DIAPH2: variants seen among roughly 807,000 people sequenced by gnomAD.
DIAPH2 encodes the protein protein diaphanous homolog 2.
In DIAPH2, 35 loss-of-function variants were observed where a neutral mutation model predicts 92.7. The observed-to-expected ratio is 0.38, with a 90% CI of 0.29 to 0.50. The LOEUF (loss-of-function observed/expected upper bound fraction) is 0.50. Ranked by LOEUF, DIAPH2 falls within the 20% of genes least tolerant of loss-of-function variation. The probability of loss-of-function intolerance (pLI) is 0.94; values close to 1 mark genes in which losing one functional copy is unlikely to be tolerated. For synonymous variants in DIAPH2, 301 were observed against 280.4 expected (o/e 1.07, Z -0.73); for missense variants, 701 against 819.5 (o/e 0.86, Z 1.77).
chrX:96,916,417 G>GTTTTTTTTTTTTTTTTTTTTATTTTT, intron 7 of DIAPH2, 21 bp from the exon 8 acceptor site: 1 of 886,930 alleles, frequency 1.1e-6, no homozygotes. Context: ...CTGAATGAAG[G>GTTTTTTTTTTTTTTTTTTTTATTTTT]TTTTTTTTTT....
chrX:97,445,497 A>G lies in DIAPH2; in HGVS notation c.3241+15752A>G, dbSNP rs778472118. ...CAGTGGTGCGATCTTGGCTCACTGCAACCTCTGTCCCCAGGATTCAAGAGA... is the reference window on the plus strand; with the variant it reads ...CAGTGGTGCGATCTTGGCTCACTGCGACCTCTGTCCCCAGGATTCAAGAGA... On this transcript the variant is annotated intron_variant, in intron 26 of 26. Transcript: ENST00000324765. Among the ~76,000 whole-genome samples the G allele has an allele frequency of 5.4e-5, 6 of 110,745 alleles. No individual in the cohort carries two copies. In the South Asian group the frequency reaches 2.3e-3, roughly 43 times the overall value.
At chrX:96,703,362 A>G (rs756535207) in intron 1 of DIAPH2, among the ~76,000 whole-genome samples, 1 of 111,996 alleles carries the variant, frequency 8.9e-6, no homozygotes, top group Non-Finnish European at 1.9e-5. Context: ...AAATATAAAG[A>G]TATTTATTAA....
Position 97,409,876 on chromosome X carries a change from G to A in DIAPH2, c.3146-19774G>A, listed in dbSNP as rs186621701. Among the ~76,000 whole-genome samples, 12 of 112,643 alleles carry A rather than the reference G, an allele frequency of 1.1e-4. No homozygotes were observed. In the East Asian group the frequency reaches 2.5e-3, roughly 24 times the overall value. ...ATAAACAAAGTGGCTGGGGAAGCTC[G>A]AACTGGGCGGAGCCCACCTCAGCTC... On this transcript the variant is annotated intron_variant, in intron 25 of 26. Coordinates refer to ENST00000324765, the MANE Select transcript of DIAPH2 (RefSeq NM_006729.5).
Position 97,604,840 on chromosome X carries a change from G to A in DIAPH2, c.*5523G>A, listed in dbSNP as rs2071611595. 1 of 111,897 alleles carries A rather than the reference G, an allele frequency of 8.9e-6. No homozygotes were observed. The highest frequency in any genetic ancestry group is 3.3e-5 in the African/African-American group (1 of 30,743). The allele number at this position is 111,897 out of a possible 1,213,427, so 9.2% of individuals were successfully genotyped here. A position where few individuals can be genotyped will look rare whatever the true frequency, so the allele number is the denominator to read the frequency against. ...TTGAGGGAGATTGTGTCCATACCAAGCCACCCTGAAGAAGTATTTCACTTG... is the reference window on the plus strand; with the variant it reads ...TTGAGGGAGATTGTGTCCATACCAAACCACCCTGAAGAAGTATTTCACTTG... On this transcript the variant is annotated 3_prime_UTR_variant, in exon 27 of 27. Coordinates refer to ENST00000324765, the MANE Select transcript of DIAPH2 (RefSeq NM_006729.5).
chrX:97,358,770 A>AG (rs1471770960), intron 24 of DIAPH2, among the ~76,000 whole-genome samples: 4 of 111,600 alleles, frequency 3.6e-5, no homozygotes, highest in Non-Finnish European at 5.6e-5. Flanking sequence ...AAGAAAAAAA[A>AG]CTGTCGACTG....
intron 19 of DIAPH2, among the ~76,000 whole-genome samples, chrX:97,099,297 C>G (rs1301016000): frequency 9.1e-6 from 1 of 109,601 alleles, no homozygotes; most frequent in African/African-American, 3.3e-5. Flanking sequence ...ACCTGGGAGG[C>G]GGAGCTTGCA....
intron 4 of DIAPH2, among the ~76,000 whole-genome samples, chrX:96,871,287 T>G (rs1391985576): frequency 9.2e-6 from 1 of 108,906 alleles, no homozygotes; most frequent in Non-Finnish European, 1.9e-5. Flanking sequence ...GCTAACACGG[T>G]GAAACCCCGT....
At chrX:97,348,470 A>G (rs145705317) in intron 24 of DIAPH2, among the ~76,000 whole-genome samples, 190 bp downstream of exon 24, 2,608 of 111,923 alleles carry the variant, frequency 0.023, 28 homozygotes, top group Middle Eastern at 0.037. Context: ...GGCTTAACAT[A>G]ATGTGGACCT....
At chrX:97,384,264 G>C (rs2069578574) in intron 25 of DIAPH2, among the ~76,000 whole-genome samples, 1 of 111,724 alleles carries the variant, frequency 9.0e-6, no homozygotes, top group Admixed American at 9.6e-5. Context: ...TGTTGAGATA[G>C]TGTTTTTCTC....
chrX:96,947,372 G>A (rs1320839522), intron 14 of DIAPH2, among the ~76,000 whole-genome samples: 1 of 111,131 alleles, frequency 9.0e-6, no homozygotes, highest in Non-Finnish European at 1.9e-5. Flanking sequence ...TCTTAACACG[G>A]ATAGTAGTAA....
At chrX:97,462,071 A>G (rs996000397) in intron 26 of DIAPH2, among the ~76,000 whole-genome samples, 2 of 111,520 alleles carry the variant, frequency 1.8e-5, no homozygotes, top group Non-Finnish European at 3.8e-5. Context: ...GGATGTTATG[A>G]ACCATGGTGC....
At chrX:96,822,775 A>T (rs772889058) in intron 4 of DIAPH2, among the ~76,000 whole-genome samples, 1 of 112,586 alleles carries the variant, frequency 8.9e-6, no homozygotes, top group Non-Finnish European at 1.9e-5. Context: ...AATCAAGAAC[A>T]TAGTATATAC....
chrX:97,085,462 T>C (rs1228417516), intron 19 of DIAPH2, among the ~76,000 whole-genome samples: 1 of 111,632 alleles, frequency 9.0e-6, no homozygotes, highest in Admixed American at 9.5e-5. Context: ...CCTCGTTTAG[T>C]TGCCCAGGCT....
At chrX:96,974,816 T>A (rs893576253) in intron 17 of DIAPH2, among the ~76,000 whole-genome samples, 1 of 111,340 alleles carries the variant, frequency 9.0e-6, no homozygotes, top group Non-Finnish European at 1.9e-5. Flanking sequence ...TTATATAAGA[T>A]TTAAAGTAAT....
At chrX:97,009,118 G>A (rs949905647) in intron 17 of DIAPH2, among the ~76,000 whole-genome samples, 3 of 110,139 alleles carry the variant, frequency 2.7e-5, no homozygotes, top group Non-Finnish European at 3.8e-5. Flanking sequence ...TCTGAGAGCC[G>A]AGCTGGGTCC....
intron 26 of DIAPH2, among the ~76,000 whole-genome samples, chrX:97,569,666 T>C (rs2071351137): frequency 9.0e-6 from 1 of 111,236 alleles, no homozygotes; most frequent in Admixed American, 9.6e-5. Flanking sequence ...ATTATAAAAT[T>C]ACAAAAGTTT....
At chrX:97,292,457 G>A (rs1404721930) in intron 23 of DIAPH2, among the ~76,000 whole-genome samples, 1 of 111,117 alleles carries the variant, frequency 9.0e-6, no homozygotes, top group Non-Finnish European at 1.9e-5. Context: ...AAAGATGTCT[G>A]TTTTCTTTTA....
chrX:96,692,202 TAA>T (rs755261807), intron 1 of DIAPH2, among the ~76,000 whole-genome samples: 4 of 112,163 alleles, frequency 3.6e-5, no homozygotes, highest in Admixed American at 1.9e-4. Context: ...TGCCCAGATA[TAA>T]GTTATCTACA....
At chrX:96,879,367 T>G (rs2065198669) in intron 4 of DIAPH2, among the ~76,000 whole-genome samples, 1 of 110,857 alleles carries the variant, frequency 9.0e-6, no homozygotes, top group Non-Finnish European at 1.9e-5. Context: ...TACAATCCTC[T>G]AGGGGAAGAT....
Sources: allele counts gnomAD v4.1 joint callset (sites outside exome capture counted in the v4.1 genomes callset), GRCh38; gene constraint gnomAD v4.1.1; transcripts MANE v1.5; gene names NCBI Gene and HGNC (gene_info 2026-07-23, HGNC 2026-07-21).